The following SLAIN2 variants were observed in gnomAD, a reference collection of about 807,000 sequenced individuals.
The protein encoded by SLAIN2 is SLAIN motif-containing protein 2.
Under a neutral mutation model 56.6 loss-of-function variants are expected in SLAIN2, and 31 were observed. The ratio of observed to expected loss-of-function variants is 0.55; its 90% CI spans 0.41 to 0.74. The LOEUF (loss-of-function observed/expected upper bound fraction) is 0.74, where lower values mean the gene tolerates loss of function less well. Ranked by LOEUF, SLAIN2 falls within the 30% of genes least tolerant of loss-of-function variation. The pLI is 0.00. For missense variants in SLAIN2, 777 were observed against 754.2 expected, an observed-to-expected ratio of 1.03 and a Z score of -0.35; for synonymous variants, 317 against 284.9, an observed-to-expected ratio of 1.11 and a Z score of -1.13.
rs566938159 is a variant in SLAIN2 at position 48,357,709 on chromosome 4, C to T, written c.390-12140C>T. Reference sequence around the variant, plus strand: ...TAGCTGGGACTACAGGCATGCACCACCACGCCCGGCTAATTTTGCATTTTT... The same window carrying T: ...TAGCTGGGACTACAGGCATGCACCATCACGCCCGGCTAATTTTGCATTTTT... On this transcript the variant is annotated intron_variant, in intron 1 of 7. Coordinates refer to ENST00000264313, the MANE Select transcript of SLAIN2 (RefSeq NM_020846.2). Among the ~76,000 whole-genome samples, 189 of 152,308 alleles carry T rather than the reference C, an allele frequency of 1.2e-3. 1 individual carries two copies. Among genetic ancestry groups the T allele is most frequent in the African/African-American group, 4.0e-3 (167 of 41,554 alleles).
intron 1 of SLAIN2, among the ~76,000 whole-genome samples, chr4:48,366,245 A>G (rs1164299058): frequency 1.3e-5 from 2 of 152,214 alleles, no homozygotes; most frequent in Non-Finnish European, 2.9e-5. Flanking sequence ...GGTCTGTCCC[A>G]GAGAATGTTC....
intron 1 of SLAIN2, among the ~76,000 whole-genome samples, chr4:48,351,150 A>G (rs1288781192): frequency 6.6e-6 from 1 of 152,148 alleles, no homozygotes; most frequent in Non-Finnish European, 1.5e-5. Flanking sequence ...CTTGAGGCTT[A>G]TTTTGTTTGA....
chr4:48,419,456 A>G (rs1270606882), intron 6 of SLAIN2, among the ~76,000 whole-genome samples: 1 of 152,070 alleles, frequency 6.6e-6, no homozygotes, highest in African/African-American at 2.4e-5. Flanking sequence ...GCCGGAGTGC[A>G]GTGGCATCAT....
At chr4:48,379,273 A>G (rs1455479903) in intron 3 of SLAIN2, among the ~76,000 whole-genome samples, 1 of 152,142 alleles carries the variant, frequency 6.6e-6, no homozygotes, top group East Asian at 1.9e-4. Flanking sequence ...AATGAGGGAA[A>G]AGATGATGGT....
intron 1 of SLAIN2, among the ~76,000 whole-genome samples, chr4:48,361,643 G>A (rs1011503393): frequency 6.6e-6 from 1 of 151,836 alleles, no homozygotes; most frequent in African/African-American, 2.4e-5. Flanking sequence ...TTCCAAAATT[G>A]TTTTATCCGT....
intron 1 of SLAIN2, among the ~76,000 whole-genome samples, chr4:48,347,637 G>A (rs1381235784): frequency 6.6e-6 from 1 of 152,134 alleles, no homozygotes. Context: ...AATTTACCAT[G>A]TTAATAATTT....
At chr4:48,378,864 T>C (rs1474348928) in intron 3 of SLAIN2, among the ~76,000 whole-genome samples, 1 of 152,200 alleles carries the variant, frequency 6.6e-6, no homozygotes, top group East Asian at 1.9e-4. Context: ...TCATGTGCAC[T>C]CTGCTCTTTT....
At chr4:48,421,817 A>C (rs1332323198) in intron 7 of SLAIN2, among the ~76,000 whole-genome samples, 194 bp from the exon 8 acceptor site, 2 of 151,732 alleles carry the variant, frequency 1.3e-5, no homozygotes, top group African/African-American at 2.4e-5. Flanking sequence ...TCTGGTGCCC[A>C]GTAAAACTTG....
chr4:48,371,099 TTTTTG>T (rs1176261950), intron 2 of SLAIN2, among the ~76,000 whole-genome samples: 2 of 151,440 alleles, frequency 1.3e-5, no homozygotes, highest in South Asian at 2.1e-4. Flanking sequence ...TGTTTTTTGT[TTTTTG>T]TTTTGTTTTT....
At chr4:48,411,629 TTTTACCTGGAAGAGGGA>T (rs1327864407) in intron 6 of SLAIN2, among the ~76,000 whole-genome samples, 1 of 151,896 alleles carries the variant, frequency 6.6e-6, no homozygotes. Flanking sequence ...TAGCATGAAG[TTTTACCTGGAAGAGGGA>T]TTTGGCTGGT....
At chr4:48,381,075 G>C (rs536274107) in intron 4 of SLAIN2, among the ~76,000 whole-genome samples, 1 of 152,188 alleles carries the variant, frequency 6.6e-6, no homozygotes, top group Non-Finnish European at 1.5e-5. Context: ...TTAGGGGGTG[G>C]TTATTGTTGT....
chr4:48,364,873 AGGG>A (rs1560453227), intron 1 of SLAIN2, among the ~76,000 whole-genome samples: 34 of 44,920 alleles, frequency 7.6e-4, no homozygotes, highest in African/African-American at 2.8e-3. Flanking sequence ...GAGACGGGAG[AGGG>A]AGGGGGAGGG....
chr4:48,349,332 A>AT (rs1168012994), intron 1 of SLAIN2, among the ~76,000 whole-genome samples: 2 of 152,230 alleles, frequency 1.3e-5, no homozygotes, highest in East Asian at 3.8e-4. Context: ...AAATCAATCT[A>AT]TCAGTGATGT....
At chr4:48,421,453 A>G (rs1717154961) in intron 7 of SLAIN2, among the ~76,000 whole-genome samples, 1 of 152,200 alleles carries the variant, frequency 6.6e-6, no homozygotes, top group African/African-American at 2.4e-5. Context: ...ACTGTGCTAA[A>G]TAAGTAAATG....
rs938486415 is a variant in SLAIN2 at position 48,425,708 on chromosome 4, A to T, written c.*3631A>T. 11 of 152,312 alleles carry T rather than the reference A, an allele frequency of 7.2e-5. No homozygotes were observed. Among genetic ancestry groups the T allele is most frequent in the African/African-American group, 2.6e-4 (11 of 41,572 alleles). The allele number at this position is 152,312 out of a possible 1,614,324, so 9.4% of individuals were successfully genotyped here. On this transcript the variant is annotated 3_prime_UTR_variant, in exon 8 of 8. Coordinates refer to ENST00000264313, the MANE Select transcript of SLAIN2 (RefSeq NM_020846.2). Reference sequence around the variant, plus strand: ...CTATACTTGTATTATAAATCAATACATAAGTTTAAACCTGTTATATACTCA... The same window carrying T: ...CTATACTTGTATTATAAATCAATACTTAAGTTTAAACCTGTTATATACTCA...
chr4:48,404,693 TTAA>T (rs1402808395), intron 6 of SLAIN2, among the ~76,000 whole-genome samples: 1 of 152,252 alleles, frequency 6.6e-6, no homozygotes, highest in Non-Finnish European at 1.5e-5. Flanking sequence ...ACATTTAGAC[TTAA>T]TAATGTTTTT....
chr4:48,378,236 T>C (rs1715879579), intron 3 of SLAIN2, among the ~76,000 whole-genome samples, 176 bp downstream of exon 3: 1 of 152,166 alleles, frequency 6.6e-6, no homozygotes, highest in Admixed American at 6.5e-5. Flanking sequence ...GCACCAGGGG[T>C]ATAAACATAA....
At position 48,422,153 on chromosome 4, in the gene SLAIN2, C is replaced by A; in HGVS notation, c.*76C>A. 1 of 1,055,994 alleles carries A rather than the reference C, an allele frequency of 9.5e-7. No homozygotes were observed. The highest frequency in any genetic ancestry group is 2.0e-5 in the Admixed American group (1 of 49,818). The allele number at this position is 1,055,994 out of a possible 1,614,324, so 65.4% of individuals were successfully genotyped here. On this transcript the variant is annotated 3_prime_UTR_variant, in exon 8 of 8. Transcript: ENST00000264313. ...CAGGCTAAAAAACAACTTTTATATG[C>A]AGACTGTTCAGATAAGACTCTTGGG...
At chr4:48,385,569 T>C (rs1255203984) in intron 6 of SLAIN2, among the ~76,000 whole-genome samples, 1 of 152,230 alleles carries the variant, frequency 6.6e-6, no homozygotes, top group African/African-American at 2.4e-5. Flanking sequence ...TGTTCACTTA[T>C]AACTTGTTTA....
Sources: gnomAD v4.1 joint callset for allele counts (sites outside exome capture counted in the v4.1 genomes callset) on GRCh38, gnomAD v4.1.1 for gene constraint, MANE v1.5 for transcripts, NCBI Gene and HGNC (gene_info 2026-07-23, HGNC 2026-07-21) for gene names.